SERF2: variants seen among roughly 807,000 people sequenced by gnomAD.
SERF2 encodes the protein gastric cancer-related protein VRG107.
SERF2 carries 4 observed loss-of-function variants against 10.7 expected under a neutral mutation model. The ratio of observed to expected loss-of-function variants is 0.37; its 90% CI spans 0.18 to 0.86. SERF2 has a LOEUF of 0.86. Among genes scored for constraint, SERF2 ranks in the 40% least tolerant of loss-of-function variants. The pLI, the probability that SERF2 is intolerant of heterozygous loss-of-function variation, is 0.43. For synonymous variants in SERF2, 26 were observed against 26.0 expected, an observed-to-expected ratio of 1.00 and a Z score of 0.01; for missense variants, 47 against 79.1, an observed-to-expected ratio of 0.59 and a Z score of 1.54.
chr15:43,794,066 TG>T lies in SERF2; in HGVS notation c.*297del. On this transcript the variant is annotated 3_prime_UTR_variant, in exon 3 of 3. Transcript: ENST00000249786. ...TAATTCCTTGAGCGCCTGGTTTGAC[TG>T]GGGACTTGGGGGGATGGGGTTGGAA... 1.6e-6 allele frequency: 2 copies of T among 1,215,928 alleles called. No individual in the cohort carries two copies. Among genetic ancestry groups the T allele is most frequent in the Non-Finnish European group, 2.2e-6 (2 of 901,020 alleles). The allele number at this position is 1,215,928 out of a possible 1,614,324, so 75.3% of individuals were successfully genotyped here.
upstream of SERF2, among the ~76,000 whole-genome samples, chr15:43,788,256 C>T (rs145616049): frequency 2.1e-3 from 319 of 152,102 alleles, 2 homozygotes; most frequent in African/African-American, 7.2e-3. Flanking sequence ...AGGGATCCTC[C>T]CTGTCGGCTT....
chr15:43,791,402 G>A (rs1241750316), upstream of SERF2, among the ~76,000 whole-genome samples: 2 of 149,640 alleles, frequency 1.3e-5, no homozygotes, highest in African/African-American at 5.0e-5. Context: ...ACCACGCCCG[G>A]CTAATTTTTT....
At position 43,795,924 on chromosome 15, in the gene SERF2, T is replaced by C. The variant is rs886594727; in HGVS notation, c.*2151T>C. ...GATGTTTAATCTTTTGTGCCTCGAT[T>C]TCTCCATTTGTAAAATGGAGCAAAT... is the stretch of plus-strand genomic sequence containing the variant. On this transcript the variant is annotated 3_prime_UTR_variant, in exon 3 of 3. Coordinates refer to ENST00000249786, the MANE Select transcript of SERF2 (RefSeq NM_001018108.4). The C allele has an allele frequency of 4.6e-6, 3 of 658,220 alleles. No individual in the cohort carries two copies. The Admixed American group carries it at 8.9e-5, about 20-fold the overall frequency. 40.8% of individuals were successfully genotyped at this position (658,220 alleles called of 1,614,324 possible). A position where few individuals can be genotyped will look rare whatever the true frequency, so the allele number is the denominator to read the frequency against.
chr15:43,783,584 G>A (rs2086981564), intron 1 of SERF2, among the ~76,000 whole-genome samples: 1 of 150,926 alleles, frequency 6.6e-6, no homozygotes, highest in African/African-American at 2.4e-5. Context: ...TTACAGGCAT[G>A]AGCCACCAAG....
chr15:43,790,969 C>T (rs534889604), upstream of SERF2, among the ~76,000 whole-genome samples: 7 of 148,810 alleles, frequency 4.7e-5, no homozygotes, highest in Non-Finnish European at 1.0e-4. Flanking sequence ...GGGGTTTTAC[C>T]GTGTTAGCCA....
chr15:43,788,341 T>C (rs947624535), upstream of SERF2, among the ~76,000 whole-genome samples: 2 of 152,028 alleles, frequency 1.3e-5, no homozygotes, highest in South Asian at 4.1e-4. Flanking sequence ...TTATCCAGGA[T>C]GGTCTTGATC....
At chr15:43,790,909 G>T (rs1209231996), upstream of SERF2, among the ~76,000 whole-genome samples, 1 of 150,576 alleles carries the variant, frequency 6.6e-6, no homozygotes, top group Admixed American at 6.6e-5. Flanking sequence ...GACTACAGGC[G>T]CCTGCCACCA....
upstream of SERF2, among the ~76,000 whole-genome samples, chr15:43,790,121 G>A (rs1165695189): frequency 1.4e-5 from 2 of 144,174 alleles, no homozygotes; most frequent in South Asian, 2.2e-4. Flanking sequence ...CAACCTGGGC[G>A]ACAGAGCAAG....
At position 43,793,883 on chromosome 15, in the gene SERF2, A is replaced by G. The variant is rs2087136358; in HGVS notation, c.*110A>G. The G allele has an allele frequency of 2.5e-6, 4 of 1,605,858 alleles. No homozygotes were observed. Among genetic ancestry groups the G allele is most frequent in the Non-Finnish European group, 3.4e-6 (4 of 1,175,866 alleles). On this transcript the variant is annotated 3_prime_UTR_variant, in exon 3 of 3. Coordinates refer to ENST00000249786, the MANE Select transcript of SERF2 (RefSeq NM_001018108.4). ...GCTCACAGGTCCCAGCACCGATGGC[A>G]TTCCCTTTGCCCTGAGTCTGCAGCG...
At chr15:43,793,526 G>A (rs1216580717) in intron 2 of SERF2, 184 bp from the exon 3 acceptor site, 3 of 1,471,408 alleles carry the variant, frequency 2.0e-6, no homozygotes, top group Non-Finnish European at 2.7e-6. Flanking sequence ...ACAGCCAGAT[G>A]GAGACTGGTC....
chr15:43,792,544 TTGCCC>T, intron 1 of SERF2, 161 bp downstream of exon 1: 1 of 1,505,002 alleles, frequency 6.6e-7, no homozygotes. Context: ...ATCGAGCCCT[TTGCCC>T]ACGGCTACTT....
chr15:43,792,097 A>T (rs1294953212), upstream of SERF2: 10 of 500,268 alleles, frequency 2.0e-5, no homozygotes, highest in Admixed American at 3.2e-5. Context: ...TGCCCACGTG[A>T]CCCGGCCTAG....
upstream of SERF2, among the ~76,000 whole-genome samples, chr15:43,790,199 C>T (rs893381537): frequency 1.3e-5 from 2 of 150,436 alleles, no homozygotes; most frequent in Non-Finnish European, 3.0e-5. Flanking sequence ...ATCCCAGCTA[C>T]TCGGGAGGCT....
In SERF2 at chr15:43,795,331, T is replaced by C. The variant is rs2087183407; in HGVS notation, c.*1558T>C. ...TGTGTCTGGAATGGCCTTGAATTGC[T>C]CTTTCCTTAAAATAGCTAGCTCTTC... On this transcript the variant is annotated 3_prime_UTR_variant, in exon 3 of 3. Coordinates refer to ENST00000249786, the MANE Select transcript of SERF2 (RefSeq NM_001018108.4). 1.2e-6 allele frequency: 2 copies of C among 1,606,982 alleles called. No homozygotes were observed. The highest frequency in any genetic ancestry group is 1.7e-6 in the Non-Finnish European group (2 of 1,173,908).
At chr15:43,787,406 T>C (rs947119974), upstream of SERF2, among the ~76,000 whole-genome samples, 1 of 152,200 alleles carries the variant, frequency 6.6e-6, no homozygotes, top group African/African-American at 2.4e-5. Flanking sequence ...AAGAATTTTT[T>C]TATTTTTTGA....
At position 43,794,788 on chromosome 15, in the gene SERF2, G is replaced by T; in HGVS notation, c.*1015G>T. ...TTTGGGTGTTAGGCTCTTGAGCTGG[G>T]ATGCAGATGTAACAGTAGCTCCAGT... On this transcript the variant is annotated 3_prime_UTR_variant, in exon 3 of 3. Coordinates refer to ENST00000249786, the MANE Select transcript of SERF2 (RefSeq NM_001018108.4). 2 of 529,122 alleles carry T rather than the reference G, an allele frequency of 3.8e-6. No individual in the cohort carries two copies. Among genetic ancestry groups the T allele is most frequent in the South Asian group, 2.8e-5 (1 of 35,930 alleles). The allele number at this position is 529,122 out of a possible 1,614,324, so 32.8% of individuals were successfully genotyped here. A position where few individuals can be genotyped will look rare whatever the true frequency, so the allele number is the denominator to read the frequency against.
chr15:43,792,063 A>G (rs1181649108), upstream of SERF2: 3 of 495,902 alleles, frequency 6.0e-6, no homozygotes, highest in African/African-American at 3.9e-5. Flanking sequence ...CCACATCGCC[A>G]GCCGCACCCC....
upstream of SERF2, among the ~76,000 whole-genome samples, chr15:43,790,735 C>T (rs2087049113): frequency 6.6e-6 from 1 of 151,838 alleles, no homozygotes; most frequent in Non-Finnish European, 1.5e-5. Flanking sequence ...CGCCAATGCA[C>T]TCCAGCTTGG....
intron 1 of SERF2, among the ~76,000 whole-genome samples, chr15:43,781,966 G>A (rs2086968842): frequency 6.6e-6 from 1 of 150,996 alleles, no homozygotes; most frequent in African/African-American, 2.4e-5. Flanking sequence ...TCAGCTCACT[G>A]CAACCTCTGC....
Sources: allele counts gnomAD v4.1 joint callset (sites outside exome capture counted in the v4.1 genomes callset), GRCh38; gene constraint gnomAD v4.1.1; transcripts MANE v1.5; gene names NCBI Gene and HGNC (gene_info 2026-07-23, HGNC 2026-07-21).